The following MBD5 variants were observed in gnomAD, a reference collection of about 807,000 sequenced individuals.
The protein encoded by MBD5 is methyl-CpG binding domain protein 5, also known as methyl-CpG-binding domain protein 5.
A neutral mutation model predicts 117.3 loss-of-function variants in MBD5; 13 were observed. The ratio of observed to expected loss-of-function variants is 0.11; its 90% CI spans 0.07 to 0.18. The LOEUF (loss-of-function observed/expected upper bound fraction) is 0.18. MBD5 is among the 10% of genes least tolerant of loss of function. The probability of loss-of-function intolerance (pLI) is 1.00; values close to 1 mark genes in which losing one functional copy is unlikely to be tolerated. For missense variants in MBD5, 1,879 were observed against 2,093.8 expected, an observed-to-expected ratio of 0.90 and a Z score of 2.00; for synonymous variants, 727 against 766.4, an observed-to-expected ratio of 0.95 and a Z score of 0.85.
chr2:148,414,665 T>G (rs1399174782), intron 4 of MBD5, among the ~76,000 whole-genome samples: 1 of 152,178 alleles, frequency 6.6e-6, no homozygotes, highest in Non-Finnish European at 1.5e-5. Flanking sequence ...GCATATATTT[T>G]TAGGATAATT....
chr2:148,177,710 C>G (rs941666371), intron 1 of MBD5, among the ~76,000 whole-genome samples: 1 of 152,104 alleles, frequency 6.6e-6, no homozygotes. Context: ...GAGCCCTGGC[C>G]CTACCTCATA....
At chr2:148,262,504 C>A (rs561750955) in intron 3 of MBD5, among the ~76,000 whole-genome samples, 2 of 152,178 alleles carry the variant, frequency 1.3e-5, no homozygotes, top group African/African-American at 2.4e-5. Flanking sequence ...ATTCATGTAA[C>A]CCTCACAGCC....
chr2:148,202,974 AG>A (rs1273202937), intron 2 of MBD5, among the ~76,000 whole-genome samples: 1 of 152,116 alleles, frequency 6.6e-6, no homozygotes, highest in Non-Finnish European at 1.5e-5. Context: ...ATGTGGTGGC[AG>A]GCACCTGTAA....
intron 1 of MBD5, among the ~76,000 whole-genome samples, chr2:148,133,438 T>G (rs551566208): frequency 9.2e-4 from 140 of 152,346 alleles, no homozygotes; most frequent in Non-Finnish European, 3.4e-4. Flanking sequence ...TGTGTAAACT[T>G]TGCAAATTTG....
At chr2:148,462,068 T>A (rs1276992280) in intron 5 of MBD5, among the ~76,000 whole-genome samples, 2 of 152,124 alleles carry the variant, frequency 1.3e-5, no homozygotes, top group Non-Finnish European at 2.9e-5. Context: ...AAGAAACCTG[T>A]TTTTACATAG....
At chr2:148,398,496 GTTGT>G (rs1292018999) in intron 4 of MBD5, among the ~76,000 whole-genome samples, 1 of 152,120 alleles carries the variant, frequency 6.6e-6, no homozygotes, top group South Asian at 2.1e-4. Flanking sequence ...TTTTGATGGG[GTTGT>G]TTGTTTTTTT....
intron 3 of MBD5, among the ~76,000 whole-genome samples, chr2:148,319,284 C>A (rs1702228709): frequency 6.6e-6 from 1 of 151,998 alleles, no homozygotes; most frequent in South Asian, 2.1e-4. Context: ...TTTTCTAATT[C>A]TGTGAAAAAT....
rs755768566 is a variant in MBD5 at position 148,469,805 on chromosome 2, A to T, written c.1862A>T (p.Asn621Ile). The T allele has an allele frequency of 6.8e-6, 11 of 1,613,798 alleles. No homozygotes were observed. The East Asian group carries it at 2.2e-4, about 33-fold the overall frequency. Residue 621 changes from asparagine (N) to isoleucine (I), a missense_variant, in exon 8 of 14, where the codon AAC becomes ATC. Coordinates refer to ENST00000642680, the MANE Select transcript of MBD5 (RefSeq NM_001378120.1). ...AACACTGAAGGACATAGCACTTTAA[A>T]CACCATGTTCCCTCCTACTGCCAAC... ...SGNTEGHSTL[N>I]TMFPPTANML...
chr2:148,095,138 G>A (rs906753180), intron 1 of MBD5, among the ~76,000 whole-genome samples: 2 of 152,126 alleles, frequency 1.3e-5, no homozygotes, highest in Non-Finnish European at 2.9e-5. Context: ...TAATCACTTG[G>A]AAATGTTGGA....
chr2:148,182,903 T>C (rs73009270), intron 2 of MBD5, among the ~76,000 whole-genome samples: 8,026 of 152,244 alleles, frequency 0.053, 240 homozygotes, highest in African/African-American at 0.078. Flanking sequence ...GCTTTTGGAC[T>C]GACTGGGAAT....
At chr2:148,160,623 G>T (rs1330969275) in intron 1 of MBD5, among the ~76,000 whole-genome samples, 2 of 152,126 alleles carry the variant, frequency 1.3e-5, no homozygotes, top group African/African-American at 4.8e-5. Context: ...TCATTTCAAG[G>T]GATAGGATAT....
chr2:148,026,231 C>T (rs539369793), intron 1 of MBD5: 2 of 152,238 alleles, frequency 1.3e-5, no homozygotes, highest in Non-Finnish European at 2.9e-5. Flanking sequence ...ATTCACATTA[C>T]ATTTATGACA....
chr2:148,440,434 T>C (rs1160287603), intron 4 of MBD5, among the ~76,000 whole-genome samples: 1 of 152,166 alleles, frequency 6.6e-6, no homozygotes, highest in Admixed American at 6.6e-5. Context: ...GAAAATAAAA[T>C]AAGAAAAGTA....
At position 148,469,125 on chromosome 2, in the gene MBD5, A is replaced by G; in HGVS notation, c.1182A>G (p.Val394=). The G allele has an allele frequency of 1.9e-6, 3 of 1,614,084 alleles. No individual in the cohort carries two copies. Among genetic ancestry groups the G allele is most frequent in the Non-Finnish European group, 2.5e-6 (3 of 1,179,972 alleles). Residue 394 remains valine, a synonymous_variant, in exon 8 of 14, where the codon GTA becomes GTG. Transcript: ENST00000642680. ...ACTCTCAGGTACCTATGATGAATGTAAGCATGCCTCCTGCTGTTGTTCCTT... is the reference window on the plus strand; with the variant it reads ...ACTCTCAGGTACCTATGATGAATGTGAGCATGCCTCCTGCTGTTGTTCCTT... ...NVHSQVPMMN[V]SMPPAVVPLP... is the part of the protein sequence containing the mutation.
chr2:148,505,060 T>A (rs1681989959), intron 12 of MBD5, among the ~76,000 whole-genome samples: 1 of 152,034 alleles, frequency 6.6e-6, no homozygotes, highest in Non-Finnish European at 1.5e-5. Flanking sequence ...AACCAGGAGC[T>A]GGTGGAGTTG....
intron 2 of MBD5, among the ~76,000 whole-genome samples, chr2:148,225,853 C>A (rs999265570): frequency 6.6e-6 from 1 of 152,112 alleles, no homozygotes; most frequent in Admixed American, 6.5e-5. Context: ...TATGCTATTT[C>A]GTTTTTCTTG....
chr2:148,479,012 T>C (rs960821754), intron 8 of MBD5, among the ~76,000 whole-genome samples: 1 of 152,222 alleles, frequency 6.6e-6, no homozygotes. Context: ...CATAGGGTTT[T>C]TGTGCAGAAC....
At chr2:148,499,853 A>C (rs1193680054) in intron 11 of MBD5, among the ~76,000 whole-genome samples, 9 of 152,150 alleles carry the variant, frequency 5.9e-5, no homozygotes, top group Non-Finnish European at 1.3e-4. Context: ...AAATGTATGA[A>C]TATTTCCCCA....
At chr2:148,242,153 G>A (rs1034582605) in intron 3 of MBD5, among the ~76,000 whole-genome samples, 3 of 152,062 alleles carry the variant, frequency 2.0e-5, no homozygotes, top group African/African-American at 7.2e-5. Flanking sequence ...TATTAAATGT[G>A]AAAATATACG....
Sources: gnomAD v4.1 joint callset for allele counts (sites outside exome capture counted in the v4.1 genomes callset) on GRCh38, gnomAD v4.1.1 for gene constraint, MANE v1.5 for transcripts, NCBI Gene and HGNC (gene_info 2026-07-23, HGNC 2026-07-21) for gene names.